Variants in ASXL1 observed in about 807,000 individuals in gnomAD.
ASXL1 encodes polycomb group protein ASXL1.
In ASXL1, 65 loss-of-function variants were observed where a neutral mutation model predicts 89.1. The ratio of observed to expected loss-of-function variants is 0.73; its 90% CI spans 0.60 to 0.90. The LOEUF (loss-of-function observed/expected upper bound fraction) is 0.90. Among genes scored for constraint, ASXL1 ranks in the 40% least tolerant of loss-of-function variants. ASXL1 has a pLI of 0.00. For missense variants in ASXL1, 1,786 were observed against 1,942.9 expected (o/e 0.92, Z 1.52); for synonymous variants, 739 against 746.9 (o/e 0.99, Z 0.17).
rs1165143761 is a variant in ASXL1 at position 32,367,381 on chromosome 20, AAAAAC to A, written c.141-331_141-327del. On this transcript the variant is annotated intron_variant, in intron 2 of 12. Transcript: ENST00000375687. ...GACAACAGAATAAGACTGCATCTCA[AAAAAC>A]AAAACAAAACAAAAAACAAAGAAAG... 1.4e-4 allele frequency among the ~76,000 whole-genome samples: 22 copies of A among 152,324 alleles called. No homozygotes were observed. In the South Asian group the frequency reaches 3.7e-3, roughly 26 times the overall value.
chr20:32,402,578 A>G (rs1296782275), intron 4 of ASXL1, among the ~76,000 whole-genome samples: 2 of 152,226 alleles, frequency 1.3e-5, no homozygotes, highest in East Asian at 3.8e-4. Flanking sequence ...CCCACTAACA[A>G]TGTATAAGAA....
chr20:32,435,563 G>A lies in ASXL1; in HGVS notation c.2851G>A (p.Asp951Asn), dbSNP rs1021817273. 1.2e-6 allele frequency: 2 copies of A among 1,614,056 alleles called. No individual in the cohort carries two copies. Among genetic ancestry groups the A allele is most frequent in the Non-Finnish European group, 1.7e-6 (2 of 1,180,026 alleles). The change falls in exon 13 of 13, where the codon GAT (aspartate) becomes AAT (asparagine). Residue 951 changes from aspartate to asparagine, a missense_variant. Asp to Asn is a conservative substitution (Grantham distance 23). Transcript: ENST00000375687. ...PGDLTAEEGL[D>N]PLDSLTSLWT... is the part of the protein sequence containing the mutation. The stretch of plus-strand genomic sequence containing the variant: ...GGATTTGACAGCTGAGGAGGGTCTA[G>A]ATCCTCTTGACAGCCTTACTTCACT...
chr20:32,358,907 G>A, intron 1 of ASXL1, 75 bp downstream of exon 1: 2 of 1,392,376 alleles, frequency 1.4e-6, no homozygotes, highest in Non-Finnish European at 9.4e-7. Context: ...CCCACTGGGG[G>A]GGGAGGGGCA....
intron 4 of ASXL1, among the ~76,000 whole-genome samples, chr20:32,414,501 G>C (rs1255152784): frequency 6.6e-6 from 1 of 151,846 alleles, no homozygotes; most frequent in Non-Finnish European, 1.5e-5. Context: ...TTACGACCAG[G>C]AGTTTGAGTC....
At chr20:32,371,925 T>A (rs2048306401) in intron 4 of ASXL1, 4 of 363,828 alleles carry the variant, frequency 1.1e-5, no homozygotes, top group Non-Finnish European at 1.6e-5. Context: ...AGCTTATTGT[T>A]ACATATGCTG....
chr20:32,436,222 A>T lies in ASXL1; in HGVS notation c.3510A>T (p.Leu1170Phe). 6.2e-7 allele frequency: 1 copy of T among 1,614,244 alleles called. No homozygotes were observed. Among genetic ancestry groups the T allele is most frequent in the Non-Finnish European group, 8.5e-7 (1 of 1,180,042 alleles). The change falls in exon 13 of 13, where the codon TTA becomes TTT. Residue 1170 changes from leucine to phenylalanine, a missense_variant. Around this residue, in one of 3 missense-constraint regions of ASXL1, gnomAD observed 1,418 missense variants for 1,427.8 expected, o/e 0.99. Transcript: ENST00000375687. ...TTGATGGAAGCAGCCCCAGTTCTTT[A>T]AGGGCTTTGAAGGAGCCTCTTCTGC... ...GMVDGSSPSS[L>F]RALKEPLLPD...
At chr20:32,416,601 A>G (rs1284802973) in intron 4 of ASXL1, among the ~76,000 whole-genome samples, 1 of 152,220 alleles carries the variant, frequency 6.6e-6, no homozygotes, top group African/African-American at 2.4e-5. Flanking sequence ...TGCTATGAAT[A>G]TGTGCGTTTT....
intron 4 of ASXL1, among the ~76,000 whole-genome samples, chr20:32,381,600 C>T (rs1031048738): frequency 1.3e-5 from 2 of 150,998 alleles, no homozygotes; most frequent in Admixed American, 6.6e-5. Flanking sequence ...CTGCAAGCTC[C>T]GCCTCCCGGG....
intron 8 of ASXL1, chr20:32,430,318 C>A: frequency 2.2e-6 from 1 of 448,094 alleles, no homozygotes; most frequent in Non-Finnish European, 3.9e-6. Flanking sequence ...CCTTGTACTG[C>A]ATAGTAAGTG....
At chr20:32,425,952 G>A (rs746634974) in intron 4 of ASXL1, among the ~76,000 whole-genome samples, 8 of 152,172 alleles carry the variant, frequency 5.3e-5, no homozygotes, top group Non-Finnish European at 8.8e-5. Context: ...TGATCCATCC[G>A]CCTTGGCCTC....
chr20:32,359,745 C>T (rs909166754), intron 1 of ASXL1: 3 of 718,112 alleles, frequency 4.2e-6, no homozygotes, highest in East Asian at 2.7e-5. Context: ...CTCGTTCAAC[C>T]GATGGGGGTT....
intron 1 of ASXL1, among the ~76,000 whole-genome samples, chr20:32,363,801 A>G (rs2048161889): frequency 1.3e-5 from 2 of 152,128 alleles, no homozygotes; most frequent in East Asian, 1.9e-4. Context: ...CAGGAGAGAA[A>G]GAGTCAGAGT....
At chr20:32,401,544 G>GTGTGTGTGT (rs35101542) in intron 4 of ASXL1, among the ~76,000 whole-genome samples, 1,166 of 69,292 alleles carry the variant, frequency 0.017, 21 homozygotes, top group African/African-American at 0.038. Context: ...GTGTGTGTGT[G>GTGTGTGTGT]TTTTTTCCCC....
At chr20:32,431,936 A>G (rs1488249464) in intron 10 of ASXL1, among the ~76,000 whole-genome samples, 1 of 152,228 alleles carries the variant, frequency 6.6e-6, no homozygotes. Context: ...CATTAAAACT[A>G]TAAACACCTA....
In ASXL1 at chr20:32,436,891, G is replaced by T; in HGVS notation, c.4179G>T (p.Leu1393=). ...GGAAAGCTACTGGGCATAGTCCCCT[G>T]GAACTGGTGGGTCACTTGGAAGGGA... The part of the protein sequence containing the change: ...ENRKATGHSP[L]ELVGHLEGMP... Residue 1393 remains leucine, a synonymous_variant, in exon 13 of 13, where the codon CTG becomes CTT. Transcript: ENST00000375687. 3.7e-6 allele frequency: 6 copies of T among 1,614,200 alleles called. No homozygotes were observed. Among genetic ancestry groups the T allele is most frequent in the Non-Finnish European group, 5.1e-6 (6 of 1,180,038 alleles).
chr20:32,369,718 C>CTT lies in ASXL1; in HGVS notation c.252+617_252+618dup, dbSNP rs386393629. 2.9e-3 allele frequency among the ~76,000 whole-genome samples: 276 copies of CTT among 94,608 alleles called. 18 individuals are homozygous for CTT. The highest frequency in any genetic ancestry group is 0.019 in the Middle Eastern group (2 of 104). The allele number at this position is 94,608 out of a possible 152,430, so 62.1% of individuals were successfully genotyped here. ...ACTATGGGGATAATTGCAGATGTGC[C>CTT]TTTTTTTTTTTTTTTTTTTTTTTAT... On this transcript the variant is annotated intron_variant, in intron 4 of 12. Coordinates refer to ENST00000375687, the MANE Select transcript of ASXL1 (RefSeq NM_015338.6).
chr20:32,438,062 C>T lies in ASXL1; in HGVS notation c.*724C>T. On this transcript the variant is annotated 3_prime_UTR_variant, in exon 13 of 13. Transcript: ENST00000375687. ...GCCATCTGTAGACCTTGTGAGTCAG[C>T]CGTCCAGATGTTTGCAGGTGAATTC... 4.3e-6 allele frequency: 1 copy of T among 233,636 alleles called. No homozygotes were observed. Among genetic ancestry groups the T allele is most frequent in the East Asian group, 6.0e-5 (1 of 16,566 alleles). 14.5% of individuals were successfully genotyped at this position (233,636 alleles called of 1,614,324 possible).
intron 4 of ASXL1, among the ~76,000 whole-genome samples, chr20:32,405,367 C>T (rs569385211): frequency 3.9e-5 from 6 of 152,262 alleles, no homozygotes; most frequent in South Asian, 2.1e-4. Flanking sequence ...CATGCACCAC[C>T]GCACCTGGCC....
intron 4 of ASXL1, among the ~76,000 whole-genome samples, chr20:32,418,690 A>G (rs2049181312): frequency 6.6e-6 from 1 of 152,130 alleles, no homozygotes; most frequent in Admixed American, 6.6e-5. Flanking sequence ...TTGTTCTTCA[A>G]GAGTATCTTG....
Sources: allele counts gnomAD v4.1 joint callset (sites outside exome capture counted in the v4.1 genomes callset), GRCh38; gene constraint gnomAD v4.1.1; regional missense constraint gnomAD v4.1.1; transcripts MANE v1.5; gene names NCBI Gene and HGNC (gene_info 2026-07-23, HGNC 2026-07-21).